Variants in ELMO1 observed in about 807,000 individuals in gnomAD.
ELMO1 encodes the protein engulfment and cell motility protein 1.
A neutral mutation model predicts 98.9 loss-of-function variants in ELMO1; 26 were observed. That is an observed-to-expected ratio of 0.26 (90% CI 0.19 to 0.36). The LOEUF is 0.36. ELMO1 is among the 10% of genes least tolerant of loss of function. The pLI is 1.00. For missense variants in ELMO1, 627 were observed against 935.2 expected (o/e 0.67, Z 4.30); for synonymous variants, 346 against 346.0 (o/e 1.00, Z 0.00).
intron 15 of ELMO1, among the ~76,000 whole-genome samples, chr7:37,065,357 A>G (rs975012533): frequency 7.9e-5 from 12 of 151,746 alleles, no homozygotes; most frequent in African/African-American, 2.9e-4. Context: ...CCTGACATCT[A>G]CTCTGCCTTC....
intron 16 of ELMO1, among the ~76,000 whole-genome samples, chr7:36,974,854 C>T (rs953518593): frequency 6.6e-6 from 1 of 151,986 alleles, no homozygotes; most frequent in African/African-American, 2.4e-5. Context: ...AGACCATGAG[C>T]CCACCGGGAA....
intron 1 of ELMO1, among the ~76,000 whole-genome samples, chr7:37,413,430 A>C (rs1234171620): frequency 6.6e-6 from 1 of 152,214 alleles, no homozygotes; most frequent in Non-Finnish European, 1.5e-5. Flanking sequence ...AAAATACCTT[A>C]CACATAGTGG....
chr7:36,999,127 T>A (rs1792443167), intron 16 of ELMO1, among the ~76,000 whole-genome samples: 1 of 151,064 alleles, frequency 6.6e-6, no homozygotes, highest in Non-Finnish European at 1.5e-5. Flanking sequence ...GGAGGGAGGG[T>A]GGTGAGTGCA....
At chr7:36,860,157 C>T (rs1188246835) in intron 21 of ELMO1, among the ~76,000 whole-genome samples, 1 of 152,110 alleles carries the variant, frequency 6.6e-6, no homozygotes, top group Non-Finnish European at 1.5e-5. Flanking sequence ...ACTGCTTATG[C>T]TATGGGGAAG....
At chr7:37,150,998 G>A (rs1326762807) in intron 13 of ELMO1, among the ~76,000 whole-genome samples, 1 of 152,210 alleles carries the variant, frequency 6.6e-6, no homozygotes, top group Admixed American at 6.5e-5. Context: ...AGCTGTGCCA[G>A]AGGGACTCAC....
intron 4 of ELMO1, among the ~76,000 whole-genome samples, chr7:37,274,449 C>T (rs970198422): frequency 6.6e-5 from 10 of 152,174 alleles, no homozygotes; most frequent in Non-Finnish European, 1.3e-4. Flanking sequence ...AGACTTAAGG[C>T]AGGTCCCTTC....
chr7:37,176,883 A>G (rs1181478883), intron 13 of ELMO1, among the ~76,000 whole-genome samples: 1 of 152,242 alleles, frequency 6.6e-6, no homozygotes, highest in Admixed American at 6.5e-5. Context: ...ACGACTATAT[A>G]ATCAACGTCA....
chr7:36,945,988 G>C (rs1347785056), intron 16 of ELMO1, among the ~76,000 whole-genome samples: 1 of 152,230 alleles, frequency 6.6e-6, no homozygotes, highest in Non-Finnish European at 1.5e-5. Flanking sequence ...TGAAATGACT[G>C]ATCTCCACCT....
At chr7:37,384,105 G>C (rs998674298) in intron 1 of ELMO1, among the ~76,000 whole-genome samples, 13 of 152,160 alleles carry the variant, frequency 8.5e-5, no homozygotes, top group Non-Finnish European at 1.3e-4. Context: ...GTGAGCCACT[G>C]TGCCCGGCCG....
intron 15 of ELMO1, among the ~76,000 whole-genome samples, chr7:37,015,628 A>G (rs1020698764): frequency 6.6e-6 from 1 of 152,206 alleles, no homozygotes; most frequent in African/African-American, 2.4e-5. Context: ...AAGAAAAAAT[A>G]GGAAATGAAG....
intron 13 of ELMO1, among the ~76,000 whole-genome samples, chr7:37,164,882 T>C (rs1584747594): frequency 1.3e-5 from 2 of 151,526 alleles, no homozygotes; most frequent in African/African-American, 4.8e-5. Context: ...AAGAAAGTCA[T>C]TGGTAGCTTG....
chr7:37,324,024 G>A (rs532547470), intron 2 of ELMO1, among the ~76,000 whole-genome samples: 1 of 152,248 alleles, frequency 6.6e-6, no homozygotes, highest in South Asian at 2.1e-4. Flanking sequence ...GGAGTCCTTG[G>A]CTGTTTATTT....
chr7:37,240,044 C>CTTTT (rs397943366), intron 7 of ELMO1, among the ~76,000 whole-genome samples: 2 of 133,020 alleles, frequency 1.5e-5, no homozygotes, highest in African/African-American at 2.8e-5. Flanking sequence ...TTTTTTTTTT[C>CTTTT]TTTTTTTTTT....
At chr7:37,293,234 G>T (rs1221472739) in intron 4 of ELMO1, among the ~76,000 whole-genome samples, 1 of 131,820 alleles carries the variant, frequency 7.6e-6, no homozygotes, top group African/African-American at 2.6e-5. Flanking sequence ...ACAGCTCATT[G>T]AGAATGGGCC....
chr7:36,940,125 G>C (rs1786905561), intron 16 of ELMO1, among the ~76,000 whole-genome samples: 1 of 152,224 alleles, frequency 6.6e-6, no homozygotes, highest in African/African-American at 2.4e-5. Context: ...TGAGTGAAGA[G>C]TAAATAGACA....
intron 20 of ELMO1, 121 bp from the exon 21 acceptor site, chr7:36,861,857 A>G (rs1395828963): frequency 1.5e-5 from 13 of 855,126 alleles, no homozygotes; most frequent in East Asian, 4.9e-5. Context: ...CGGAGCTGCA[A>G]TGAGGCTGAT....
chr7:37,172,919 G>A (rs1467573775), intron 13 of ELMO1, among the ~76,000 whole-genome samples: 2 of 152,152 alleles, frequency 1.3e-5, no homozygotes, highest in African/African-American at 4.8e-5. Flanking sequence ...ACTCATCTCA[G>A]CAAGCTCCTA....
chr7:37,398,292 T>G (rs1803380278), intron 1 of ELMO1, among the ~76,000 whole-genome samples: 1 of 152,194 alleles, frequency 6.6e-6, no homozygotes, highest in Non-Finnish European at 1.5e-5. Flanking sequence ...AAAGATGTAC[T>G]AACTTTTATT....
At chr7:37,272,050 A>T (rs1796585826) in intron 4 of ELMO1, among the ~76,000 whole-genome samples, 168 bp from the exon 5 acceptor site, 1 of 152,240 alleles carries the variant, frequency 6.6e-6, no homozygotes, top group Non-Finnish European at 1.5e-5. Flanking sequence ...GACAATATTC[A>T]GTACAAAGGA....
Sources: gnomAD v4.1 joint callset for allele counts (sites outside exome capture counted in the v4.1 genomes callset) on GRCh38, gnomAD v4.1.1 for gene constraint, MANE v1.5 for transcripts, NCBI Gene and HGNC (gene_info 2026-07-23, HGNC 2026-07-21) for gene names.